The following RTL4 variants were observed in gnomAD, a reference collection of about 807,000 sequenced individuals.
RTL4 encodes retrotransposon Gag like 4.
Under a neutral mutation model 5.3 loss-of-function variants are expected in RTL4, and 4 were observed. The ratio of observed to expected loss-of-function variants is 0.75; its 90% confidence interval spans 0.37 to 1.72. The LOEUF (loss-of-function observed/expected upper bound fraction) is 1.72, where lower values mean the gene tolerates loss of function less well. Among genes scored for constraint, RTL4 ranks in the 40% most tolerant of loss-of-function variants. The pLI is 0.04. For missense variants in RTL4, 260 were observed against 227.1 expected (o/e 1.14, Z -0.93); for synonymous variants, 98 against 87.3 (o/e 1.12, Z -0.68).
At chrX:112,231,618 GC>G in the RTL4 span, among the ~76,000 whole-genome samples, 1 of 106,227 alleles carries the variant, frequency 9.4e-6, no homozygotes, top group Non-Finnish European at 1.9e-5. Context: ...TATACCTACT[GC>G]TAAATGACGA....
chrX:112,100,047 T>A, the RTL4 span, among the ~76,000 whole-genome samples: 1 of 111,967 alleles, frequency 8.9e-6, no homozygotes, highest in African/African-American at 3.2e-5. Flanking sequence ...AATTTTGGGA[T>A]GGCCATGAGA....
At chrX:112,098,187 C>T in the RTL4 span, among the ~76,000 whole-genome samples, 2 of 102,532 alleles carry the variant, frequency 2.0e-5, no homozygotes, top group African/African-American at 3.6e-5. Flanking sequence ...TCAATTCCCA[C>T]CTATGAGTGA....
upstream of RTL4, among the ~76,000 whole-genome samples, chrX:112,451,096 A>T (rs780295868): frequency 8.9e-6 from 1 of 111,965 alleles, no homozygotes; most frequent in Admixed American, 9.5e-5. Context: ...TGTAATAAGC[A>T]GTAGATACTC....
At chrX:112,431,985 T>G in the RTL4 span, among the ~76,000 whole-genome samples, 225 of 99,250 alleles carry the variant, frequency 2.3e-3, 1 homozygote, top group Non-Finnish European at 3.2e-3. Flanking sequence ...GCGGTGTTTG[T>G]TTTTTTGTTC....
chrX:112,442,763 AT>A, the RTL4 span, among the ~76,000 whole-genome samples: 3 of 110,671 alleles, frequency 2.7e-5, no homozygotes, highest in African/African-American at 6.6e-5. Flanking sequence ...GCTAAATCTT[AT>A]TTTTTTAATA....
At chrX:112,245,530 T>C in the RTL4 span, among the ~76,000 whole-genome samples, 1 of 112,139 alleles carries the variant, frequency 8.9e-6, no homozygotes, top group Non-Finnish European at 1.9e-5. Flanking sequence ...TCTCATGCCA[T>C]GGTTTTCAGC....
the RTL4 span, among the ~76,000 whole-genome samples, chrX:112,279,849 G>A: frequency 1.8e-5 from 2 of 111,255 alleles, no homozygotes; most frequent in Admixed American, 9.6e-5. Flanking sequence ...AGTTTGGGGT[G>A]GAATTAATGA....
the RTL4 span, among the ~76,000 whole-genome samples, chrX:112,375,765 G>GCTT: frequency 1.8e-5 from 2 of 111,473 alleles, no homozygotes; most frequent in Non-Finnish European, 1.9e-5. Flanking sequence ...ACGGTAGAAT[G>GCTT]CTTCTATTTT....
At chrX:112,156,613 G>A in the RTL4 span, among the ~76,000 whole-genome samples, 2 of 112,182 alleles carry the variant, frequency 1.8e-5, no homozygotes, top group African/African-American at 6.5e-5. Flanking sequence ...TAGGATGAAA[G>A]ACTAAAGTTA....
At chrX:112,325,094 G>A in the RTL4 span, among the ~76,000 whole-genome samples, 1 of 111,404 alleles carries the variant, frequency 9.0e-6, no homozygotes, top group African/African-American at 3.3e-5. Context: ...ACTTACAAGG[G>A]ATGTGAAGGA....
the RTL4 span, among the ~76,000 whole-genome samples, chrX:112,250,054 A>G: frequency 9.1e-6 from 1 of 110,171 alleles, no homozygotes; most frequent in East Asian, 2.9e-4. Flanking sequence ...AGGTAGGTGG[A>G]TCATGAGGTC....
chrX:112,089,658 G>C, the RTL4 span, among the ~76,000 whole-genome samples: 1 of 111,547 alleles, frequency 9.0e-6, no homozygotes, highest in East Asian at 2.8e-4. Context: ...TTTGAATTAA[G>C]TTTTGAAAAT....
chrX:112,413,081 A>G, the RTL4 span, among the ~76,000 whole-genome samples: 2 of 112,357 alleles, frequency 1.8e-5, no homozygotes, highest in South Asian at 7.3e-4. Flanking sequence ...AGACATGCAA[A>G]TGGCAAACAG....
chrX:112,246,762 A>G, the RTL4 span, among the ~76,000 whole-genome samples: 1 of 111,260 alleles, frequency 9.0e-6, no homozygotes, highest in African/African-American at 3.3e-5. Flanking sequence ...TGAACCAGGT[A>G]CCTCAGCTGG....
chrX:112,271,508 T>C, the RTL4 span, among the ~76,000 whole-genome samples: 1 of 112,266 alleles, frequency 8.9e-6, no homozygotes, highest in African/African-American at 3.2e-5. Flanking sequence ...ATTAATCATT[T>C]AATAAAAACC....
At chrX:112,118,947 C>T in the RTL4 span, among the ~76,000 whole-genome samples, 5 of 109,990 alleles carry the variant, frequency 4.5e-5, no homozygotes. Context: ...TGCAGTTGTG[C>T]AATCTCAGCT....
the RTL4 span, among the ~76,000 whole-genome samples, chrX:112,093,857 T>A: frequency 8.9e-6 from 1 of 111,837 alleles, no homozygotes; most frequent in Non-Finnish European, 1.9e-5. Flanking sequence ...AAGCACAATC[T>A]GTTCTAGGAA....
the RTL4 span, among the ~76,000 whole-genome samples, chrX:112,375,958 A>G: frequency 6.3e-5 from 7 of 111,878 alleles, no homozygotes; most frequent in African/African-American, 2.3e-4. Context: ...TAATCAAGAG[A>G]AATCGCAGAT....
chrX:112,288,749 T>A, the RTL4 span, among the ~76,000 whole-genome samples: 2 of 111,763 alleles, frequency 1.8e-5, no homozygotes, highest in Non-Finnish European at 3.8e-5. Context: ...ATCTGTAATA[T>A]TGCTGGTCAT....
Sources: allele counts gnomAD v4.1 joint callset (sites outside exome capture counted in the v4.1 genomes callset), GRCh38; gene constraint gnomAD v4.1.1; transcripts MANE v1.5; gene names NCBI Gene and HGNC (gene_info 2026-07-23, HGNC 2026-07-21).